SMYD2: variants seen among roughly 807,000 people sequenced by gnomAD.
SMYD2 encodes the protein SET and MYND domain containing 2.
SMYD2 carries 53 observed loss-of-function variants against 59.1 expected under a neutral mutation model. The observed-to-expected ratio is 0.90, with a 90% confidence interval of 0.72 to 1.13. The LOEUF (loss-of-function observed/expected upper bound fraction) is 1.13, where lower values mean the gene tolerates loss of function less well. SMYD2 is among the 50% of genes most tolerant of loss of function. SMYD2 has a pLI of 0.00. For synonymous variants in SMYD2, 208 were observed against 198.8 expected, an observed-to-expected ratio of 1.05 and a Z score of -0.39; for missense variants, 494 against 544.7, an observed-to-expected ratio of 0.91 and a Z score of 0.93.
chr1:214,309,979 CCT>C (rs1402145296), intron 2 of SMYD2, among the ~76,000 whole-genome samples: 1 of 152,136 alleles, frequency 6.6e-6, no homozygotes, highest in Non-Finnish European at 1.5e-5. Context: ...ACATTTTCTC[CCT>C]GTTCCACATT....
intron 1 of SMYD2, among the ~76,000 whole-genome samples, chr1:214,292,212 C>T (rs914850287): frequency 3.3e-5 from 5 of 152,100 alleles, no homozygotes; most frequent in Non-Finnish European, 7.4e-5. Context: ...GATGGACACC[C>T]TCAGGCCAAG....
At chr1:214,313,586 C>T (rs1657033770) in intron 2 of SMYD2, among the ~76,000 whole-genome samples, 2 of 151,716 alleles carry the variant, frequency 1.3e-5, no homozygotes, top group South Asian at 4.2e-4. Flanking sequence ...CTTGAATCTG[C>T]TCCCTGTCAT....
chr1:214,305,103 A>C, intron 1 of SMYD2, 84 bp from the exon 2 acceptor site: 2 of 1,305,656 alleles, frequency 1.5e-6, no homozygotes, highest in Non-Finnish European at 2.2e-6. Flanking sequence ...TTTCCAACCA[A>C]GTGGCTTTTG....
rs1377136047 is a variant in SMYD2, at chr1:214,334,209, T to A, written c.1122T>A (p.Tyr374Ter). The A allele has an allele frequency of 1.2e-6, 2 of 1,613,810 alleles. No homozygotes were observed. The highest frequency in any genetic ancestry group is 3.3e-5 in the Admixed American group (2 of 60,022). Residue 374 changes from tyrosine (Y) to a stop codon, truncating the protein, a stop_gained, in exon 11 of 12, where the codon TAT becomes TAA. Coordinates refer to ENST00000366957, the MANE Select transcript of SMYD2 (RefSeq NM_020197.3). LOFTEE classifies it high-confidence loss of function. ...QKIIKPYSKH[Y>*]PLYSLNVASM... The stretch of plus-strand genomic sequence containing the variant: ...TCTTCTCTTGTTCTAGTAAGCACTA[T>A]CCTTTGTACTCCCTCAACGTGGCCT...
At chr1:214,307,026 A>C (rs1329884011) in intron 2 of SMYD2, among the ~76,000 whole-genome samples, 2 of 152,228 alleles carry the variant, frequency 1.3e-5, no homozygotes, top group African/African-American at 4.8e-5. Context: ...GAAAAAAATT[A>C]GCCAGGCGTG....
chr1:214,310,593 T>A (rs1656984347), intron 2 of SMYD2, among the ~76,000 whole-genome samples: 1 of 151,516 alleles, frequency 6.6e-6, no homozygotes, highest in African/African-American at 2.4e-5. Context: ...AACTCGAATT[T>A]TGAAGAATAG....
At chr1:214,283,747 A>G (rs1235686306) in intron 1 of SMYD2, among the ~76,000 whole-genome samples, 2 of 152,100 alleles carry the variant, frequency 1.3e-5, no homozygotes, top group African/African-American at 4.8e-5. Flanking sequence ...ACAGGTCAAA[A>G]TCTGCTGCCT....
At chr1:214,334,176 C>G (rs1390585878) in intron 10 of SMYD2, 24 bp from the exon 11 acceptor site, 2 of 1,605,710 alleles carry the variant, frequency 1.2e-6, no homozygotes, top group South Asian at 1.1e-5. Flanking sequence ...ACATGGTGGC[C>G]TGTTGTCTCT....
chr1:214,318,810 A>G lies in SMYD2; in HGVS notation c.410-49A>G. ...TTTACAGCAAAAATAGGATGTAGCT[A>G]GAAATCCCACGCTTTCTACTGGGTG... On this transcript the variant is annotated intron_variant, in intron 4 of 11. Coordinates refer to ENST00000366957, the MANE Select transcript of SMYD2 (RefSeq NM_020197.3). This position sits in a 1 kb window ranked among gnomAD's most constrained non-coding sequence, Gnocchi z 5.4. The G allele has an allele frequency of 6.3e-7, 1 of 1,598,696 alleles. No homozygotes were observed. Among genetic ancestry groups the G allele is most frequent in the Non-Finnish European group, 8.5e-7 (1 of 1,173,058 alleles).
At chr1:214,306,650 T>TAG (rs1328524446) in intron 2 of SMYD2, among the ~76,000 whole-genome samples, 1 of 152,234 alleles carries the variant, frequency 6.6e-6, no homozygotes, top group African/African-American at 2.4e-5. Context: ...AACGGCATTG[T>TAG]AGAGATCAGC....
intron 2 of SMYD2, among the ~76,000 whole-genome samples, chr1:214,306,435 T>C (rs1656916535): frequency 1.3e-5 from 2 of 152,192 alleles, no homozygotes; most frequent in African/African-American, 4.8e-5. Context: ...GACCTTGGCT[T>C]GGGAAGCTCA....
At chr1:214,331,220 C>T (rs1657348245) in intron 9 of SMYD2, 150 bp downstream of exon 9, 1 of 1,122,890 alleles carries the variant, frequency 8.9e-7, no homozygotes, top group Non-Finnish European at 1.2e-6. Context: ...GGCGTACTGA[C>T]CACCCACAAT....
At chr1:214,301,104 T>C (rs1426652863) in intron 1 of SMYD2, among the ~76,000 whole-genome samples, 1 of 152,238 alleles carries the variant, frequency 6.6e-6, no homozygotes, top group Non-Finnish European at 1.5e-5. Context: ...TTTAAATTTT[T>C]GTAAGTCTCT....
chr1:214,311,243 T>C (rs1016677981), intron 2 of SMYD2, among the ~76,000 whole-genome samples: 92 of 152,330 alleles, frequency 6.0e-4, no homozygotes, highest in African/African-American at 2.1e-3. Context: ...CAATTACCAA[T>C]GTTTCAGAGC....
chr1:214,311,725 AT>A (rs1308500879), intron 2 of SMYD2, among the ~76,000 whole-genome samples: 1 of 152,082 alleles, frequency 6.6e-6, no homozygotes, highest in Non-Finnish European at 1.5e-5. Flanking sequence ...TATTTTATAA[AT>A]AATAATTATA....
Position 214,312,782 on chromosome 1 carries a change from C to T in SMYD2, c.238-1980C>T, listed in dbSNP as rs1657018488. On this transcript the variant is annotated intron_variant, in intron 2 of 11. Transcript: ENST00000366957. The surrounding 1 kb of genome is among the most constrained non-coding windows in gnomAD (Gnocchi z 4.1). ...GGACGCTCCCATCACGTGTGGCCTCCTAGGTCACCTTTAGCGCTTGGCCTT... is the reference window on the plus strand; with the variant it reads ...GGACGCTCCCATCACGTGTGGCCTCTTAGGTCACCTTTAGCGCTTGGCCTT... Among the ~76,000 whole-genome samples, 1 of 152,150 alleles carries T rather than the reference C, an allele frequency of 6.6e-6. No homozygotes were observed. The highest frequency in any genetic ancestry group is 2.4e-5 in the African/African-American group (1 of 41,446).
At chr1:214,332,403 A>G (rs1571936056) in intron 10 of SMYD2, 2 of 550,774 alleles carry the variant, frequency 3.6e-6, no homozygotes, top group Non-Finnish European at 6.3e-6. Flanking sequence ...GAGGTTATGC[A>G]GCGGATACTG....
chr1:214,310,459 A>G (rs1656981516), intron 2 of SMYD2, among the ~76,000 whole-genome samples: 2 of 151,282 alleles, frequency 1.3e-5, no homozygotes, highest in South Asian at 4.2e-4. Flanking sequence ...ACTTTGGTAT[A>G]TATCTTCCTG....
chr1:214,334,310 T>C lies in SMYD2; in HGVS notation c.1221+2T>C. 6.2e-7 allele frequency: 1 copy of C among 1,612,798 alleles called. No individual in the cohort carries two copies. The highest frequency in any genetic ancestry group is 8.5e-7 in the Non-Finnish European group (1 of 1,179,736). The stretch of plus-strand genomic sequence containing the variant: ...GCAGGGGAGAAAGCCCTGAAGAAGG[T>C]ATGTCTGTAACTCGGCCTTAGGATT... On this transcript the variant is annotated splice_donor_variant, in intron 11 of 11. Transcript: ENST00000366957. LOFTEE classifies it high-confidence loss of function.
Sources: allele counts gnomAD v4.1 joint callset (sites outside exome capture counted in the v4.1 genomes callset), GRCh38; gene constraint gnomAD v4.1.1; non-coding constraint Gnocchi (gnomAD v3.1); transcripts MANE v1.5; gene names NCBI Gene and HGNC (gene_info 2026-07-23, HGNC 2026-07-21).